Variants in PACS1 observed in about 807,000 individuals in gnomAD.
PACS1 encodes phosphofurin acidic cluster sorting protein 1, also known as PACS-1.
In PACS1, 24 loss-of-function variants were observed where a neutral mutation model predicts 115.0. The observed-to-expected ratio is 0.21, with a 90% CI of 0.15 to 0.29. The LOEUF (loss-of-function observed/expected upper bound fraction) is 0.29. Ranked by LOEUF, PACS1 falls within the 10% of genes least tolerant of loss-of-function variation. PACS1 has a pLI of 1.00. For missense variants in PACS1, 838 were observed against 1,251.2 expected (o/e 0.67, Z 4.98); for synonymous variants, 453 against 504.5 (o/e 0.90, Z 1.37).
chr11:66,077,422 G>A (rs1317387798), intron 1 of PACS1, among the ~76,000 whole-genome samples: 1 of 152,190 alleles, frequency 6.6e-6, no homozygotes, highest in East Asian at 1.9e-4. Context: ...TTAGCCAGGT[G>A]TGGTGGCGTG....
At chr11:66,239,316 A>G (rs1170778105) in intron 21 of PACS1, 39 bp downstream of exon 21, 2 of 1,584,496 alleles carry the variant, frequency 1.3e-6, no homozygotes, top group African/African-American at 1.3e-5. Flanking sequence ...CATGCCCTCC[A>G]TCAGGCCCAC....
At chr11:66,092,097 A>G (rs909448678) in intron 1 of PACS1, among the ~76,000 whole-genome samples, 1 of 152,168 alleles carries the variant, frequency 6.6e-6, no homozygotes, top group African/African-American at 2.4e-5. Flanking sequence ...GAATCGCCAC[A>G]TTGACTTCCA....
chr11:66,109,240 T>C (rs1431623094), intron 1 of PACS1, among the ~76,000 whole-genome samples: 1 of 152,070 alleles, frequency 6.6e-6, no homozygotes, highest in Non-Finnish European at 1.5e-5. Context: ...TGGGGATGGA[T>C]GGATGTGTCA....
chr11:66,230,797 C>A lies in PACS1; in HGVS notation c.1491-8C>A, dbSNP rs1379170037. 5.0e-6 allele frequency: 8 copies of A among 1,614,114 alleles called. No individual in the cohort carries two copies. The highest frequency in any genetic ancestry group is 6.8e-6 in the Non-Finnish European group (8 of 1,179,958). ...TATTTCACCAGCCTTTTTCCACCTC[C>A]CTGGCAGCAAAGTGGAGGGGGTGCA... On this transcript the variant is annotated splice_region_variant and splice_polypyrimidine_tract_variant and intron_variant, in intron 12 of 23. Transcript: ENST00000320580.
intron 2 of PACS1, among the ~76,000 whole-genome samples, chr11:66,197,905 T>A (rs929398294): frequency 5.3e-5 from 8 of 152,274 alleles, no homozygotes; most frequent in African/African-American, 1.9e-4. Context: ...TTTTTTCATA[T>A]ACTCAACCAA....
At position 66,120,396 on chromosome 11, in the gene PACS1, C is replaced by T. The variant is rs188967240; in HGVS notation, c.356+49554C>T. 7.7e-4 allele frequency among the ~76,000 whole-genome samples: 117 copies of T among 152,254 alleles called. 1 individual carries two copies. The highest frequency in any genetic ancestry group is 1.2e-3 in the Non-Finnish European group (84 of 68,028). On this transcript the variant is annotated intron_variant, in intron 1 of 23. Coordinates refer to ENST00000320580, the MANE Select transcript of PACS1 (RefSeq NM_018026.4). ...ACAGGCGTGAGCCACTGGACCCAGC[C>T]TGAATACTAATTATATACTTCATTT...
At chr11:66,110,310 T>A (rs78889316) in intron 1 of PACS1, among the ~76,000 whole-genome samples, 1 of 152,110 alleles carries the variant, frequency 6.6e-6, no homozygotes, top group African/African-American at 2.4e-5. Flanking sequence ...AAATTTTTTT[T>A]ATACATATAT....
At chr11:66,131,424 T>G (rs1858700624) in intron 1 of PACS1, among the ~76,000 whole-genome samples, 1 of 152,196 alleles carries the variant, frequency 6.6e-6, no homozygotes, top group African/African-American at 2.4e-5. Flanking sequence ...TCATATCATT[T>G]TCCCATTTTT....
In PACS1 at chr11:66,213,095, C is replaced by T. The variant is rs1019985219; in HGVS notation, c.660+1836C>T. 5.3e-5 allele frequency among the ~76,000 whole-genome samples: 8 copies of T among 152,094 alleles called. No homozygotes were observed. In the South Asian group the frequency reaches 8.3e-4, roughly 16 times the overall value. On this transcript the variant is annotated intron_variant, in intron 4 of 23. Transcript: ENST00000320580. Reference sequence around the variant, plus strand: ...CTTGAACTCCTGGCCTCAAGTGATCCGCTGCTTTGGCCTCCCAGAGTGCTG... The same window carrying T: ...CTTGAACTCCTGGCCTCAAGTGATCTGCTGCTTTGGCCTCCCAGAGTGCTG...
chr11:66,084,299 G>C (rs1209694408), intron 1 of PACS1: 1 of 152,380 alleles, frequency 6.6e-6, no homozygotes, highest in Non-Finnish European at 1.5e-5. Context: ...GCAGGTTCCA[G>C]AGCATCCAGG....
intron 1 of PACS1, among the ~76,000 whole-genome samples, chr11:66,133,804 C>T (rs1320096949): frequency 6.6e-6 from 1 of 152,184 alleles, no homozygotes; most frequent in East Asian, 1.9e-4. Context: ...TGCGCCCAGC[C>T]AGACTTTTTT....
At chr11:66,157,109 T>C (rs1483762317) in intron 1 of PACS1, among the ~76,000 whole-genome samples, 1 of 152,054 alleles carries the variant, frequency 6.6e-6, no homozygotes, top group Non-Finnish European at 1.5e-5. Flanking sequence ...TTGTGACCAA[T>C]GACAAATGAA....
At position 66,221,214 on chromosome 11, in the gene PACS1, C is replaced by T; in HGVS notation, c.1260C>T (p.Ser420=). 1 of 1,614,222 alleles carries T rather than the reference C, an allele frequency of 6.2e-7. No homozygotes were observed. Among genetic ancestry groups the T allele is most frequent in the Non-Finnish European group, 8.5e-7 (1 of 1,180,046 alleles). Residue 420 remains serine, a synonymous_variant, in exon 10 of 24, where the codon AGC becomes AGT. Transcript: ENST00000320580. The stretch of plus-strand genomic sequence containing the variant: ...AGACGGAGATTGGCAGCCTCAACAG[C>T]AAAGGCAGCCTCGGAAAAGACACCA... ...SSQTEIGSLN[S]KGSLGKDTTS... is the part of the protein sequence containing the mutation.
chr11:66,166,282 G>T (rs1044472973), intron 1 of PACS1, among the ~76,000 whole-genome samples: 1 of 152,040 alleles, frequency 6.6e-6, no homozygotes, highest in Admixed American at 6.6e-5. Flanking sequence ...CGAGTAGCTG[G>T]GACTACAGGT....
intron 1 of PACS1, among the ~76,000 whole-genome samples, chr11:66,124,329 G>A (rs550443602): frequency 3.2e-4 from 49 of 152,314 alleles, no homozygotes; most frequent in African/African-American, 1.1e-3. Context: ...TGGACATAAT[G>A]GCTTTGGGCA....
chr11:66,229,780 A>C (rs936113512), intron 11 of PACS1, among the ~76,000 whole-genome samples: 1 of 152,108 alleles, frequency 6.6e-6, no homozygotes. Flanking sequence ...CGTCTCTACT[A>C]AAAAAGAAAT....
rs373943719 is a variant in PACS1 at position 66,243,272 on chromosome 11, G to A, written c.2884G>A (p.Ala962Thr). Residue 962 changes from alanine (A) to threonine (T), a missense_variant, in exon 24 of 24, where the codon GCC becomes ACC. Transcript: ENST00000320580. ...AGTGGGACTCTTCAGTGGCAGCAAG[G>A]CCACCTGAGGCCCTGTCTCCCAGCC... ...FPVGLFSGSKAT is the reference protein window; with the variant it reads ...FPVGLFSGSKTT The A allele has an allele frequency of 1.9e-6, 3 of 1,582,342 alleles. No homozygotes were observed. Among genetic ancestry groups the A allele is most frequent in the African/African-American group, 2.7e-5 (2 of 73,976 alleles).
chr11:66,100,287 C>T (rs1193329395), intron 1 of PACS1, among the ~76,000 whole-genome samples: 2 of 152,156 alleles, frequency 1.3e-5, no homozygotes, highest in Admixed American at 6.5e-5. Context: ...TTGTAAGTAC[C>T]TCTTCCAAGA....
intron 13 of PACS1, chr11:66,231,879 T>G (rs1855603150): frequency 6.3e-6 from 2 of 319,216 alleles, no homozygotes; most frequent in Admixed American, 9.4e-5. Context: ...CCACACCGTT[T>G]CCCATCCGCG....
Sources: allele counts gnomAD v4.1 joint callset (sites outside exome capture counted in the v4.1 genomes callset), GRCh38; gene constraint gnomAD v4.1.1; transcripts MANE v1.5; gene names NCBI Gene and HGNC (gene_info 2026-07-23, HGNC 2026-07-21).